ZNF626: variants seen among roughly 807,000 people sequenced by gnomAD.
ZNF626 encodes CTC-513N18.7.
In ZNF626, 4 loss-of-function variants were observed where a neutral mutation model predicts 11.7. The ratio of observed to expected loss-of-function variants is 0.34; its 90% CI spans 0.17 to 0.78. The LOEUF (loss-of-function observed/expected upper bound fraction) is 0.78, where lower values mean the gene tolerates loss of function less well. Ranked by LOEUF, ZNF626 falls within the 30% of genes least tolerant of loss-of-function variation. The probability of loss-of-function intolerance (pLI) is 0.57; values close to 1 mark genes in which losing one functional copy is unlikely to be tolerated. For missense variants in ZNF626, 588 were observed against 587.1 expected (o/e 1.00, Z -0.01); for synonymous variants, 179 against 198.6 (o/e 0.90, Z 0.83).
chr19:20,642,681 T>C (rs528635284), intron 3 of ZNF626, among the ~76,000 whole-genome samples: 32 of 151,972 alleles, frequency 2.1e-4, no homozygotes, highest in African/African-American at 7.5e-4. Context: ...ATAAGACAAA[T>C]GTTTACTCAT....
chr19:20,639,214 A>G (rs1969997351), intron 3 of ZNF626, among the ~76,000 whole-genome samples: 3 of 152,176 alleles, frequency 2.0e-5, no homozygotes, highest in African/African-American at 7.2e-5. Context: ...CCAGCCATTC[A>G]TGAGAAATTT....
At chr19:20,660,870 A>G (rs74613714) in intron 1 of ZNF626, among the ~76,000 whole-genome samples, 2,795 of 152,306 alleles carry the variant, frequency 0.018, 69 homozygotes, top group African/African-American at 0.058. Context: ...GAGAAAAGGA[A>G]AAGGGGGTAG....
rs1381847172 is a variant in ZNF626 at position 20,621,581 on chromosome 19, C to A, written c.*2709G>T. On this transcript the variant is annotated 3_prime_UTR_variant, in exon 4 of 4. Transcript: ENST00000601440. ...CTAGAGGTGACAGATACCTTATTTA[C>A]CCTAATGTAATTACTACATATTGTA... 3 of 152,060 alleles carry A rather than the reference C, an allele frequency of 2.0e-5. No homozygotes were observed. The highest frequency in any genetic ancestry group is 4.4e-5 in the Non-Finnish European group (3 of 68,022). 9.4% of individuals were successfully genotyped at this position (152,060 alleles called of 1,614,324 possible).
At chr19:20,661,289 A>T (rs1970264762) in intron 1 of ZNF626, among the ~76,000 whole-genome samples, 155 bp downstream of exon 1, 1 of 152,150 alleles carries the variant, frequency 6.6e-6, no homozygotes, top group South Asian at 2.1e-4. Flanking sequence ...CTGCCATTTT[A>T]TGGCTGAACA....
chr19:20,631,670 G>C (rs1969907459), intron 3 of ZNF626, among the ~76,000 whole-genome samples: 1 of 150,004 alleles, frequency 6.7e-6, no homozygotes, highest in Non-Finnish European at 1.5e-5. Context: ...TTTATTTTGA[G>C]CCTATGTGTG....
intron 1 of ZNF626, among the ~76,000 whole-genome samples, chr19:20,651,757 T>C (rs976512175): frequency 6.6e-6 from 1 of 152,124 alleles, no homozygotes; most frequent in African/African-American, 2.4e-5. Flanking sequence ...AAATAGGAAA[T>C]AGAACTGCCT....
rs1475114768 is a variant in ZNF626, at chr19:20,620,862, CGG to C, written c.*3426_*3427del. On this transcript the variant is annotated 3_prime_UTR_variant, in exon 4 of 4. Transcript: ENST00000601440. Reference sequence around the variant, plus strand: ...GTATTTTTTCTTTTTTTTTTTGTGACGGAGTCTTGCTCTGTTGCCCAGGCTGG... The same window carrying C: ...GTATTTTTTCTTTTTTTTTTTGTGACAGTCTTGCTCTGTTGCCCAGGCTGG... The C allele has an allele frequency of 1.5e-5, 2 of 130,854 alleles. No homozygotes were observed. Among genetic ancestry groups the C allele is most frequent in the African/African-American group, 2.8e-5 (1 of 36,130 alleles). 8.1% of individuals were successfully genotyped at this position (130,854 alleles called of 1,614,324 possible).
At chr19:20,637,026 A>AAAC (rs1371946055) in intron 3 of ZNF626, among the ~76,000 whole-genome samples, 3 of 151,210 alleles carry the variant, frequency 2.0e-5, no homozygotes, top group Non-Finnish European at 4.4e-5. Context: ...CTCAAAAAAA[A>AAAC]AAAAAAAAAA....
At chr19:20,632,341 C>T (rs1969915447) in intron 3 of ZNF626, among the ~76,000 whole-genome samples, 1 of 152,158 alleles carries the variant, frequency 6.6e-6, no homozygotes, top group Non-Finnish European at 1.5e-5. Flanking sequence ...GTCTGCCTTG[C>T]TAGATTGGGG....
At chr19:20,632,498 T>A (rs1969917499) in intron 3 of ZNF626, among the ~76,000 whole-genome samples, 1 of 152,170 alleles carries the variant, frequency 6.6e-6, no homozygotes, top group South Asian at 2.1e-4. Context: ...TTTTTATTCT[T>A]TTTTCTCTAA....
chr19:20,642,926 G>A (rs1354349149), intron 3 of ZNF626, among the ~76,000 whole-genome samples: 1 of 151,556 alleles, frequency 6.6e-6, no homozygotes, highest in Non-Finnish European at 1.5e-5. Context: ...CATGAGAACT[G>A]CTTGAACCCG....
chr19:20,625,183 C>G lies in ZNF626; in HGVS notation c.694G>C (p.Glu232Gln). 1.6e-5 allele frequency: 26 copies of G among 1,613,118 alleles called. No individual in the cohort carries two copies. The highest frequency in any genetic ancestry group is 2.2e-5 in the Non-Finnish European group (26 of 1,179,930). ...IHTGEKPYKCEECGKAFKHSS... is the reference protein window; with the variant it reads ...IHTGEKPYKCQECGKAFKHSS... Reference sequence around the variant, plus strand: ...TGCTTAAAGGCTTTGCCACATTCTTCACATTTGTAGGGTTTCTCTCCAGTA... The same window carrying G: ...TGCTTAAAGGCTTTGCCACATTCTTGACATTTGTAGGGTTTCTCTCCAGTA... The change falls in exon 4 of 4, where the codon GAA (glutamate) becomes CAA (glutamine). Residue 232 changes from glutamate (E) to glutamine (Q), a missense_variant. Physicochemically the swap from Glu to Gln is conservative, Grantham distance 29 (BLOSUM62 2). Coordinates refer to ENST00000601440, the MANE Select transcript of ZNF626 (RefSeq NM_001076675.3).
chr19:20,629,328 G>C (rs10419521), intron 3 of ZNF626, among the ~76,000 whole-genome samples: 1 of 151,874 alleles, frequency 6.6e-6, no homozygotes, highest in African/African-American at 2.4e-5. Flanking sequence ...GAAAGTCATC[G>C]GTAGCTTGAT....
At chr19:20,637,455 T>C (rs919393187) in intron 3 of ZNF626, among the ~76,000 whole-genome samples, 1 of 146,730 alleles carries the variant, frequency 6.8e-6, no homozygotes, top group Non-Finnish European at 1.5e-5. Flanking sequence ...ATTGCATTCC[T>C]GCCTGGACAA....
At chr19:20,634,549 G>A (rs1353201944) in intron 3 of ZNF626, among the ~76,000 whole-genome samples, 2 of 150,452 alleles carry the variant, frequency 1.3e-5, no homozygotes, top group African/African-American at 4.9e-5. Flanking sequence ...ACAGTATTAA[G>A]CATGCACTTG....
chr19:20,638,609 T>C (rs8100147), intron 3 of ZNF626, among the ~76,000 whole-genome samples: 11,182 of 151,836 alleles, frequency 0.074, 1,161 homozygotes, highest in African/African-American at 0.24. Flanking sequence ...GTAACCACAA[T>C]TGAGTGGGGT....
intron 3 of ZNF626, among the ~76,000 whole-genome samples, chr19:20,638,454 T>TAAATAAATAAAA (rs1343668030): frequency 1.6e-3 from 247 of 150,288 alleles, no homozygotes; most frequent in African/African-American, 5.7e-3. Flanking sequence ...AATAAATAAA[T>TAAATAAATAAAA]AAAATTATAT....
In ZNF626 at chr19:20,623,182, G is replaced by A. The variant is rs188705075; in HGVS notation, c.*1108C>T. On this transcript the variant is annotated 3_prime_UTR_variant, in exon 4 of 4. Coordinates refer to ENST00000601440, the MANE Select transcript of ZNF626 (RefSeq NM_001076675.3). The stretch of plus-strand genomic sequence containing the variant: ...TCTTATGTTGAGTAAGATGTGAGTA[G>A]GCATTAATGGGTTTTCCATATTCTT... 1.1e-4 allele frequency: 16 copies of A among 152,224 alleles called. No individual in the cohort carries two copies. In the East Asian group the frequency reaches 3.1e-3, roughly 29 times the overall value. 9.4% of individuals were successfully genotyped at this position (152,224 alleles called of 1,614,324 possible). A position where few individuals can be genotyped will look rare whatever the true frequency, so the allele number is the denominator to read the frequency against.
chr19:20,642,725 G>A (rs537565851), intron 3 of ZNF626, among the ~76,000 whole-genome samples: 22 of 151,900 alleles, frequency 1.4e-4, no homozygotes, highest in Admixed American at 8.5e-4. Context: ...GTATCATTAC[G>A]AAAATTTGTC....
Sources: allele counts gnomAD v4.1 joint callset (sites outside exome capture counted in the v4.1 genomes callset), GRCh38; gene constraint gnomAD v4.1.1; transcripts MANE v1.5; gene names NCBI Gene and HGNC (gene_info 2026-07-23, HGNC 2026-07-21).